DPP10: variants seen among roughly 807,000 people sequenced by gnomAD.
DPP10 encodes the protein inactive dipeptidyl peptidase 10.
Under a neutral mutation model 120.9 loss-of-function variants are expected in DPP10, and 33 were observed. The ratio of observed to expected loss-of-function variants is 0.27; its 90% CI spans 0.21 to 0.37. DPP10 has a LOEUF of 0.37. Among genes scored for constraint, DPP10 ranks in the 10% least tolerant of loss-of-function variants. The probability of loss-of-function intolerance (pLI) is 1.00; values close to 1 mark genes in which losing one functional copy is unlikely to be tolerated. For synonymous variants in DPP10, 337 were observed against 326.1 expected, an observed-to-expected ratio of 1.03 and a Z score of -0.36; for missense variants, 816 against 942.8, an observed-to-expected ratio of 0.87 and a Z score of 1.76.
At chr2:114,941,079 C>T (rs949816337) in intron 1 of DPP10, among the ~76,000 whole-genome samples, 1 of 152,166 alleles carries the variant, frequency 6.6e-6, no homozygotes, top group African/African-American at 2.4e-5. Context: ...CTTGTTTTAT[C>T]GACCACTTGA....
chr2:115,699,026 AAAAAAAAAAC>A (rs201075142), intron 7 of DPP10, among the ~76,000 whole-genome samples: 17,025 of 90,866 alleles, frequency 0.19, 1,438 homozygotes, highest in African/African-American at 0.28. Context: ...TTGACTGAAA[AAAAAAAAAAC>A]AAAAAAAAAA....
intron 3 of DPP10, among the ~76,000 whole-genome samples, chr2:115,451,292 G>A (rs1443017377): frequency 6.6e-6 from 1 of 151,848 alleles, no homozygotes; most frequent in Non-Finnish European, 1.5e-5. Context: ...AAAGGGTAGA[G>A]TTTAAATACA....
intron 1 of DPP10, among the ~76,000 whole-genome samples, chr2:114,663,642 T>C (rs1362021728): frequency 1.3e-5 from 1 of 74,494 alleles, no homozygotes; most frequent in African/African-American, 6.0e-5. Context: ...CATGTACAGA[T>C]ATATATATAT....
In DPP10 at chr2:114,993,580, GTA is replaced by G. The variant is rs59593945; in HGVS notation, c.61-315633_61-315632del. 4.2e-3 allele frequency among the ~76,000 whole-genome samples: 405 copies of G among 97,346 alleles called. 3 individuals are homozygous for G. The highest frequency in any genetic ancestry group is 0.012 in the African/African-American group (318 of 27,114). 63.9% of individuals were successfully genotyped at this position (97,346 alleles called of 152,430 possible). ...ATTCTTATTATGTGTGTGTGTGTGTGTATATATATATATATATATATATATAT... is the reference window on the plus strand; with the variant it reads ...ATTCTTATTATGTGTGTGTGTGTGTGTATATATATATATATATATATATAT... On this transcript the variant is annotated intron_variant, in intron 1 of 25. Coordinates refer to ENST00000410059, the MANE Select transcript of DPP10 (RefSeq NM_020868.6).
Position 114,914,511 on chromosome 2 carries a change from C to T in DPP10, c.61-394728C>T, listed in dbSNP as rs941095768. 9.2e-5 allele frequency among the ~76,000 whole-genome samples: 14 copies of T among 152,134 alleles called. No homozygotes were observed. The East Asian group carries it at 1.3e-3, about 15-fold the overall frequency. On this transcript the variant is annotated intron_variant, in intron 1 of 25. Coordinates refer to ENST00000410059, the MANE Select transcript of DPP10 (RefSeq NM_020868.6). The stretch of plus-strand genomic sequence containing the variant: ...TTCTTTTTGAATAAGCACATGCTTA[C>T]GGAATTTATTACCACCACCTGCCCT...
chr2:115,235,977 T>A (rs554177897), intron 1 of DPP10, among the ~76,000 whole-genome samples: 22 of 152,240 alleles, frequency 1.4e-4, no homozygotes, highest in African/African-American at 4.8e-4. Context: ...TCCCTAAGTC[T>A]CAACTCTAAT....
At chr2:114,497,043 A>ATGTG (rs1231799125) in intron 1 of DPP10, among the ~76,000 whole-genome samples, 1 of 149,614 alleles carries the variant, frequency 6.7e-6, no homozygotes, top group African/African-American at 2.4e-5. Flanking sequence ...ATACATATAT[A>ATGTG]TGCATACACA....
intron 1 of DPP10, among the ~76,000 whole-genome samples, chr2:114,482,657 TAGTC>T (rs139299678): frequency 0.025 from 3,752 of 152,286 alleles, 58 homozygotes; most frequent in Middle Eastern, 0.075. Context: ...ACAGTAATTT[TAGTC>T]AGATTTTCTT....
At chr2:114,724,934 G>A (rs1248849165) in intron 1 of DPP10, among the ~76,000 whole-genome samples, 2 of 152,182 alleles carry the variant, frequency 1.3e-5, no homozygotes, top group African/African-American at 4.8e-5. Flanking sequence ...TATGCCAGCT[G>A]AGCTCTGAAT....
intron 5 of DPP10, among the ~76,000 whole-genome samples, chr2:115,576,313 G>A (rs1254884118): frequency 6.6e-6 from 1 of 152,148 alleles, no homozygotes; most frequent in Admixed American, 6.5e-5. Flanking sequence ...ATTTTGAGAC[G>A]GTAATTGGTT....
chr2:115,840,888 A>T, intron 25 of DPP10, 65 bp downstream of exon 25: 1 of 1,328,808 alleles, frequency 7.5e-7, no homozygotes, highest in Non-Finnish European at 1.1e-6. Context: ...GATACGCAAC[A>T]CAGCTTCTCT....
intron 5 of DPP10, among the ~76,000 whole-genome samples, chr2:115,598,621 A>G (rs778452273): frequency 1.3e-5 from 2 of 152,120 alleles, no homozygotes; most frequent in South Asian, 2.1e-4. Context: ...ATTAATATAC[A>G]CACAGATTAA....
At position 114,660,334 on chromosome 2, in the gene DPP10, A is replaced by C. The variant is rs182384467; in HGVS notation, c.60+217496A>C. On this transcript the variant is annotated intron_variant, in intron 1 of 25. Coordinates refer to ENST00000410059, the MANE Select transcript of DPP10 (RefSeq NM_020868.6). ...CTAAAAATATTATGTTCTATCCTTGACACCTGCTCAGAGCTTCTGCAGAGA... is the reference window on the plus strand; with the variant it reads ...CTAAAAATATTATGTTCTATCCTTGCCACCTGCTCAGAGCTTCTGCAGAGA... Among the ~76,000 whole-genome samples, 15 of 152,286 alleles carry C rather than the reference A, an allele frequency of 9.8e-5. 1 individual carries two copies. Among genetic ancestry groups the C allele is most frequent in the Admixed American group, 2.6e-4 (4 of 15,302 alleles).
intron 1 of DPP10, among the ~76,000 whole-genome samples, chr2:115,155,525 T>C (rs1458977380): frequency 6.6e-6 from 1 of 152,220 alleles, no homozygotes; most frequent in Non-Finnish European, 1.5e-5. Context: ...TGAAGGGTGA[T>C]TTTCTAGTCA....
At chr2:115,004,790 G>A (rs1478880924) in intron 1 of DPP10, among the ~76,000 whole-genome samples, 1 of 152,164 alleles carries the variant, frequency 6.6e-6, no homozygotes, top group Non-Finnish European at 1.5e-5. Context: ...GAGGCTGGGG[G>A]AGGGGCGCCC....
intron 1 of DPP10, among the ~76,000 whole-genome samples, chr2:115,209,254 C>G (rs1178264523): frequency 1.3e-5 from 2 of 152,040 alleles, no homozygotes; most frequent in Non-Finnish European, 2.9e-5. Flanking sequence ...TTTTGCCTAT[C>G]CAAAAGGCAA....
At chr2:114,987,158 A>C (rs1390507799) in intron 1 of DPP10, among the ~76,000 whole-genome samples, 1 of 152,166 alleles carries the variant, frequency 6.6e-6, no homozygotes, top group Non-Finnish European at 1.5e-5. Context: ...CTATACACTT[A>C]TATCAGTGAT....
chr2:115,574,183 A>G (rs2081518188), intron 5 of DPP10, among the ~76,000 whole-genome samples: 2 of 152,054 alleles, frequency 1.3e-5, no homozygotes, highest in African/African-American at 2.4e-5. Context: ...CCTCATTTTC[A>G]GGATTAATTA....
intron 1 of DPP10, among the ~76,000 whole-genome samples, chr2:114,823,590 A>ATTGAC (rs1686283633): frequency 6.6e-6 from 1 of 152,144 alleles, no homozygotes; most frequent in Admixed American, 6.5e-5. Context: ...TGCGGAGTAT[A>ATTGAC]TTGACTCAGG....
Sources: gnomAD v4.1 joint callset for allele counts (sites outside exome capture counted in the v4.1 genomes callset) on GRCh38, gnomAD v4.1.1 for gene constraint, MANE v1.5 for transcripts, NCBI Gene and HGNC (gene_info 2026-07-23, HGNC 2026-07-21) for gene names.